ANKS1B: variants seen among roughly 807,000 people sequenced by gnomAD.
ANKS1B encodes ankyrin repeat and sterile alpha motif domain containing 1B, also known as ankyrin repeat and sterile alpha motif domain-containing protein 1B.
In ANKS1B, 36 loss-of-function variants were observed where a neutral mutation model predicts 148.3. That is an observed-to-expected ratio of 0.24 (90% CI 0.19 to 0.32). The LOEUF (loss-of-function observed/expected upper bound fraction) is 0.32. Among genes scored for constraint, ANKS1B ranks in the 10% least tolerant of loss-of-function variants. ANKS1B has a pLI of 1.00. For missense variants in ANKS1B, 1,157 were observed against 1,542.6 expected, an observed-to-expected ratio of 0.75 and a Z score of 4.19; for synonymous variants, 542 against 560.8, an observed-to-expected ratio of 0.97 and a Z score of 0.47.
At chr12:99,455,396 A>G (rs1457607971) in intron 10 of ANKS1B, among the ~76,000 whole-genome samples, 1 of 152,214 alleles carries the variant, frequency 6.6e-6, no homozygotes, top group Non-Finnish European at 1.5e-5. Context: ...TTTTGCTCCA[A>G]GAACTACCAT....
intron 17 of ANKS1B, among the ~76,000 whole-genome samples, chr12:99,031,034 CT>C (rs1196987130): frequency 1.3e-5 from 2 of 152,200 alleles, no homozygotes; most frequent in Non-Finnish European, 2.9e-5. Flanking sequence ...TGAACTATTC[CT>C]TCTTTATTTT....
chr12:99,167,237 A>T (rs1431989976), intron 14 of ANKS1B, among the ~76,000 whole-genome samples: 4 of 152,078 alleles, frequency 2.6e-5, no homozygotes, highest in Non-Finnish European at 1.5e-5. Flanking sequence ...AAAGAAAAAA[A>T]TGATAAACAA....
intron 14 of ANKS1B, among the ~76,000 whole-genome samples, chr12:99,176,461 T>C (rs1411915488): frequency 1.3e-5 from 2 of 152,170 alleles, no homozygotes; most frequent in African/African-American, 2.4e-5. Flanking sequence ...CATGATCACC[T>C]TGATTCAGAA....
intron 1 of ANKS1B, among the ~76,000 whole-genome samples, chr12:99,952,633 C>T (rs1218417674): frequency 2.0e-5 from 3 of 152,140 alleles, no homozygotes; most frequent in East Asian, 1.9e-4. Context: ...GATCTAAAGG[C>T]TCTTGTACTT....
chr12:99,311,651 A>G (rs1046456366), intron 12 of ANKS1B, among the ~76,000 whole-genome samples: 2 of 152,168 alleles, frequency 1.3e-5, no homozygotes, highest in South Asian at 2.1e-4. Context: ...TGGATTAATA[A>G]TCTACATTTT....
chr12:99,846,788 T>G lies in ANKS1B; in HGVS notation c.135-21399A>C, dbSNP rs1251252549. ...TCCACCCCAGAGTTGCAAGCAGTCT[T>G]TAGGAGATATAAAGATATGAGAAAT... On this transcript the variant is annotated intron_variant, in intron 1 of 26. Transcript: ENST00000683438. 3.3e-5 allele frequency among the ~76,000 whole-genome samples: 5 copies of G among 152,064 alleles called. No individual in the cohort carries two copies. The East Asian group carries it at 7.7e-4, about 23-fold the overall frequency.
chr12:99,972,009 A>G (rs923355668), intron 1 of ANKS1B, among the ~76,000 whole-genome samples: 9 of 152,176 alleles, frequency 5.9e-5, no homozygotes, highest in African/African-American at 2.2e-4. Flanking sequence ...CATGTTGGTA[A>G]TTCTCACAAT....
intron 14 of ANKS1B, among the ~76,000 whole-genome samples, chr12:99,166,692 T>A (rs1161955037): frequency 6.6e-6 from 1 of 152,076 alleles, no homozygotes; most frequent in African/African-American, 2.4e-5. Flanking sequence ...TTCCCAAATA[T>A]ATCTATACAT....
intron 8 of ANKS1B, among the ~76,000 whole-genome samples, chr12:99,699,337 T>A (rs2054440806): frequency 6.6e-6 from 1 of 152,216 alleles, no homozygotes; most frequent in Admixed American, 6.6e-5. Context: ...TAACAGTGAT[T>A]CTTTTCATAA....
At chr12:99,344,136 T>C (rs2090327939) in intron 12 of ANKS1B, among the ~76,000 whole-genome samples, 1 of 151,982 alleles carries the variant, frequency 6.6e-6, no homozygotes, top group African/African-American at 2.4e-5. Flanking sequence ...TTAATCTGTC[T>C]CCCTGATTAC....
At chr12:98,773,263 T>A in intron 24 of ANKS1B, 84 bp from the exon 25 acceptor site, 1 of 1,471,200 alleles carries the variant, frequency 6.8e-7, no homozygotes, top group East Asian at 2.4e-5. Flanking sequence ...CAGGAAGCAG[T>A]TGCTTTCCTT....
chr12:98,737,199 T>A (rs1246636752), intron 9 of ANKS1B, among the ~76,000 whole-genome samples: 2 of 152,224 alleles, frequency 1.3e-5, no homozygotes, highest in Non-Finnish European at 2.9e-5. Context: ...CTGCATGATC[T>A]TTCCAGAGCA....
At chr12:99,690,904 C>G (rs2098675754) in intron 8 of ANKS1B, among the ~76,000 whole-genome samples, 6 of 152,232 alleles carry the variant, frequency 3.9e-5, no homozygotes, top group Admixed American at 3.3e-4. Flanking sequence ...CCCTACTGAC[C>G]TAGCAGAGGG....
intron 12 of ANKS1B, among the ~76,000 whole-genome samples, chr12:99,326,932 T>A (rs914960272): frequency 2.7e-5 from 4 of 146,932 alleles, no homozygotes; most frequent in African/African-American, 7.5e-5. Context: ...AATATAAAGT[T>A]CACAAATACT....
intron 1 of ANKS1B, among the ~76,000 whole-genome samples, chr12:99,925,678 G>A (rs2094463127): frequency 6.6e-6 from 1 of 151,956 alleles, no homozygotes; most frequent in Non-Finnish European, 1.5e-5. Flanking sequence ...TCAAAAGGAG[G>A]GACAAGGCTG....
intron 9 of ANKS1B, among the ~76,000 whole-genome samples, chr12:99,612,819 T>C (rs1175888679): frequency 6.6e-6 from 1 of 152,140 alleles, no homozygotes; most frequent in Non-Finnish European, 1.5e-5. Flanking sequence ...AACTGTTTAG[T>C]TTCTACTTCT....
At chr12:99,734,099 C>T (rs541212243) in intron 8 of ANKS1B, among the ~76,000 whole-genome samples, 14 of 152,298 alleles carry the variant, frequency 9.2e-5, no homozygotes, top group Admixed American at 4.6e-4. Context: ...AATTTCTCAG[C>T]GAATGAATAT....
intron 15 of ANKS1B, among the ~76,000 whole-genome samples, chr12:99,149,076 G>T (rs949461376): frequency 3.3e-5 from 5 of 151,424 alleles, no homozygotes; most frequent in African/African-American, 1.2e-4. Context: ...GGGGGAGGGG[G>T]GTGACTAATC....
At chr12:99,080,504 T>C (rs1414136091) in intron 16 of ANKS1B, among the ~76,000 whole-genome samples, 1 of 152,210 alleles carries the variant, frequency 6.6e-6, no homozygotes, top group Non-Finnish European at 1.5e-5. Flanking sequence ...AGCGTGAGCA[T>C]ACAATATAAA....
Sources: allele counts gnomAD v4.1 joint callset (sites outside exome capture counted in the v4.1 genomes callset), GRCh38; gene constraint gnomAD v4.1.1; transcripts MANE v1.5; gene names NCBI Gene and HGNC (gene_info 2026-07-23, HGNC 2026-07-21).